Variants in MDFIC2 observed in about 807,000 individuals in gnomAD.
MDFIC2 encodes MyoD family inhibitor domain containing 2.
intron 2 of MDFIC2, among the ~76,000 whole-genome samples, chr3:70,299,732 A>G (rs1702328588): frequency 6.6e-6 from 1 of 152,080 alleles, no homozygotes; most frequent in Admixed American, 6.6e-5. Context: ...CCATCTTCGT[A>G]ATATCCTCAA....
intron 2 of MDFIC2, among the ~76,000 whole-genome samples, chr3:70,293,613 G>A (rs1702261029): frequency 6.6e-6 from 1 of 152,052 alleles, no homozygotes; most frequent in Admixed American, 6.6e-5. Context: ...GATGGTGTTA[G>A]CTTGGTTTTT....
At chr3:70,252,898 C>T (rs1701782578) in intron 2 of MDFIC2, among the ~76,000 whole-genome samples, 1 of 151,658 alleles carries the variant, frequency 6.6e-6, no homozygotes, top group Non-Finnish European at 1.5e-5. Context: ...TGGCCAACAT[C>T]GTGAAACCCC....
chr3:70,235,035 G>C (rs969888847), intron 2 of MDFIC2, among the ~76,000 whole-genome samples: 1 of 152,170 alleles, frequency 6.6e-6, no homozygotes, highest in African/African-American at 2.4e-5. Context: ...CTGCCCCAAA[G>C]AGATTTTATC....
chr3:70,312,480 G>A (rs913019576), intron 1 of MDFIC2, 71 bp downstream of exon 1: 1 of 152,242 alleles, frequency 6.6e-6, no homozygotes, highest in Non-Finnish European at 1.5e-5. Context: ...CGAACCTTCG[G>A]TGCAGTGCAC....
At chr3:70,223,131 T>C (rs751412814) in intron 2 of MDFIC2, among the ~76,000 whole-genome samples, 21 of 152,176 alleles carry the variant, frequency 1.4e-4, no homozygotes, top group Non-Finnish European at 2.6e-4. Context: ...CTGATGATTG[T>C]CATTGTTCTA....
intron 2 of MDFIC2, among the ~76,000 whole-genome samples, chr3:70,298,973 T>C (rs981281517): frequency 2.0e-5 from 3 of 152,190 alleles, no homozygotes; most frequent in Admixed American, 6.5e-5. Flanking sequence ...AGCTGAGGCA[T>C]TGATGTGCAA....
chr3:70,243,322 T>C (rs1281548409), intron 2 of MDFIC2, among the ~76,000 whole-genome samples: 1 of 152,172 alleles, frequency 6.6e-6, no homozygotes, highest in Non-Finnish European at 1.5e-5. Flanking sequence ...CATTTTTCTT[T>C]GTTTTCCTTA....
intron 2 of MDFIC2, among the ~76,000 whole-genome samples, chr3:70,311,075 G>C (rs1012566549): frequency 4.6e-5 from 7 of 151,940 alleles, no homozygotes; most frequent in African/African-American, 1.7e-4. Context: ...CATTATTTTG[G>C]TGTTGTCTAA....
At chr3:70,257,871 C>T (rs1346846697) in intron 2 of MDFIC2, among the ~76,000 whole-genome samples, 1 of 152,072 alleles carries the variant, frequency 6.6e-6, no homozygotes, top group Admixed American at 6.5e-5. Context: ...TATTTGATTT[C>T]CAAAGTTGCA....
rs1213201521 is a variant in MDFIC2 at position 70,195,782 on chromosome 3, G to T, written c.*1144C>A. Among the ~76,000 whole-genome samples the T allele has an allele frequency of 6.6e-6, 1 of 152,126 alleles. No individual in the cohort carries two copies. ...GTATTTGCCCAAGGACTATAGAATT[G>T]TTTCTACAGAAAGTAAAGAACATTC... On this transcript the variant is annotated 3_prime_UTR_variant, in exon 4 of 4. Coordinates refer to ENST00000567252, the MANE Select transcript of MDFIC2 (RefSeq NM_001364677.1).
intron 2 of MDFIC2, among the ~76,000 whole-genome samples, chr3:70,234,829 G>A (rs1701592274): frequency 6.6e-6 from 1 of 152,100 alleles, no homozygotes; most frequent in African/African-American, 2.4e-5. Context: ...TGCTTAAGAT[G>A]TCATCACATG....
intron 3 of MDFIC2, among the ~76,000 whole-genome samples, chr3:70,200,474 T>C (rs1387782003): frequency 3.3e-5 from 5 of 152,182 alleles, no homozygotes; most frequent in African/African-American, 1.2e-4. Flanking sequence ...CCTTTGCACA[T>C]GCTGTGTTTT....
chr3:70,234,607 T>G (rs1260608481), intron 2 of MDFIC2, among the ~76,000 whole-genome samples: 1 of 150,430 alleles, frequency 6.6e-6, no homozygotes. Context: ...GCCACTGTAC[T>G]CCAGCCTGGG....
intron 2 of MDFIC2, among the ~76,000 whole-genome samples, chr3:70,297,660 T>C (rs528898910): frequency 6.6e-6 from 1 of 152,268 alleles, no homozygotes; most frequent in East Asian, 1.9e-4. Flanking sequence ...TCCTCCCTTA[T>C]GTAAAACGAG....
intron 3 of MDFIC2, among the ~76,000 whole-genome samples, chr3:70,201,608 C>A (rs150512543): frequency 1.8e-3 from 268 of 152,234 alleles, no homozygotes; most frequent in African/African-American, 6.3e-3. Flanking sequence ...AAGAGGCATG[C>A]CCCAGGAAAC....
At chr3:70,198,524 A>C (rs1320165312) in intron 3 of MDFIC2, among the ~76,000 whole-genome samples, 2 of 152,230 alleles carry the variant, frequency 1.3e-5, no homozygotes, top group Non-Finnish European at 2.9e-5. Context: ...TCTTGTAAAA[A>C]CACTATATAA....
intron 2 of MDFIC2, among the ~76,000 whole-genome samples, chr3:70,250,845 T>C (rs1251857421): frequency 6.6e-6 from 1 of 152,178 alleles, no homozygotes; most frequent in Non-Finnish European, 1.5e-5. Context: ...GAAAGCCAGG[T>C]TGAATGGGCA....
chr3:70,213,667 A>T (rs7643571), intron 2 of MDFIC2, among the ~76,000 whole-genome samples: 16,391 of 152,136 alleles, frequency 0.11, 1,335 homozygotes, highest in African/African-American at 0.22. Context: ...TTTGTATGAA[A>T]ATTTTGTGAA....
intron 2 of MDFIC2, among the ~76,000 whole-genome samples, chr3:70,306,787 T>C (rs1702405233): frequency 6.6e-6 from 1 of 152,178 alleles, no homozygotes; most frequent in South Asian, 2.1e-4. Flanking sequence ...AAAACAATTA[T>C]AGGTAGCTAG....
Sources: allele counts gnomAD v4.1 joint callset (sites outside exome capture counted in the v4.1 genomes callset), GRCh38; gene constraint gnomAD v4.1.1; transcripts MANE v1.5; gene names NCBI Gene and HGNC (gene_info 2026-07-23, HGNC 2026-07-21).